Variants in KANK4 observed in about 807,000 individuals in gnomAD.
The protein encoded by KANK4 is KN motif and ankyrin repeat domain-containing protein 4.
Under a neutral mutation model 80.8 loss-of-function variants are expected in KANK4, and 50 were observed. The observed-to-expected ratio is 0.62, with a 90% CI of 0.49 to 0.78. The LOEUF is 0.78. KANK4 is among the 30% of genes least tolerant of loss of function. KANK4 has a pLI of 0.00. For missense variants in KANK4, 1,196 were observed against 1,240.1 expected (o/e 0.96, Z 0.53); for synonymous variants, 465 against 506.9 (o/e 0.92, Z 1.11).
At chr1:62,281,676 G>T in intron 1 of KANK4, 42 bp from the exon 2 acceptor site, 2 of 1,193,310 alleles carry the variant, frequency 1.7e-6, no homozygotes, top group Non-Finnish European at 2.5e-6. Context: ...TCTCATTAGC[G>T]TTTGAATAAG....
intron 7 of KANK4, among the ~76,000 whole-genome samples, chr1:62,262,248 C>T (rs1671903878): frequency 6.6e-6 from 1 of 152,190 alleles, no homozygotes; most frequent in Admixed American, 6.5e-5. Flanking sequence ...AGCGCTGTAA[C>T]TTGAGCAAGT....
chr1:62,247,862 A>C (rs1051039685), intron 8 of KANK4, among the ~76,000 whole-genome samples, 190 bp from the exon 9 acceptor site: 1 of 151,888 alleles, frequency 6.6e-6, no homozygotes, highest in African/African-American at 2.4e-5. Context: ...CAAATGCTAC[A>C]TCCTCTCTAA....
chr1:62,266,077 C>T (rs1672011138), intron 6 of KANK4, among the ~76,000 whole-genome samples: 1 of 152,196 alleles, frequency 6.6e-6, no homozygotes, highest in Non-Finnish European at 1.5e-5. Flanking sequence ...TGTCCACAGT[C>T]CTCTCAAACC....
chr1:62,284,445 T>C (rs963413636), intron 1 of KANK4, among the ~76,000 whole-genome samples: 2 of 152,092 alleles, frequency 1.3e-5, no homozygotes, highest in Non-Finnish European at 2.9e-5. Flanking sequence ...GCCTCCCGAG[T>C]AGCTGGGATT....
intron 1 of KANK4, among the ~76,000 whole-genome samples, chr1:62,297,280 TATA>T (rs750146277): frequency 2.6e-5 from 3 of 117,488 alleles, no homozygotes; most frequent in Non-Finnish European, 4.9e-5. Context: ...CTTACACTGT[TATA>T]ATAATAATAA....
intron 9 of KANK4, among the ~76,000 whole-genome samples, chr1:62,243,705 C>T (rs894020319): frequency 1.3e-5 from 2 of 152,118 alleles, no homozygotes; most frequent in African/African-American, 4.8e-5. Context: ...CTGGCCTCTA[C>T]CCACTAGATG....
At chr1:62,258,627 CATTT>C (rs1671807859) in intron 7 of KANK4, among the ~76,000 whole-genome samples, 1 of 152,184 alleles carries the variant, frequency 6.6e-6, no homozygotes, top group African/African-American at 2.4e-5. Context: ...ATCGCTCATT[CATTT>C]AACAGACGTT....
At chr1:62,243,251 G>C (rs372992213) in intron 9 of KANK4, among the ~76,000 whole-genome samples, 2 of 152,066 alleles carry the variant, frequency 1.3e-5, no homozygotes, top group African/African-American at 4.8e-5. Context: ...GCACTTCCCC[G>C]GGATTAGCTA....
chr1:62,243,211 C>T (rs968448159), intron 9 of KANK4, among the ~76,000 whole-genome samples: 4 of 152,202 alleles, frequency 2.6e-5, no homozygotes, highest in African/African-American at 9.6e-5. Flanking sequence ...CCTGCCTGGT[C>T]CTCAGCCTGG....
intron 7 of KANK4, among the ~76,000 whole-genome samples, chr1:62,256,850 A>G (rs1433803932): frequency 2.6e-5 from 4 of 152,148 alleles, no homozygotes; most frequent in Non-Finnish European, 5.9e-5. Context: ...AACTCCATAC[A>G]TCACCTCATA....
intron 1 of KANK4, among the ~76,000 whole-genome samples, chr1:62,317,590 A>G (rs1446674369): frequency 6.6e-6 from 1 of 152,226 alleles, no homozygotes; most frequent in Non-Finnish European, 1.5e-5. Context: ...AGAGGCTTTC[A>G]GTTCCTCTAA....
chr1:62,313,902 T>C (rs571644118), intron 1 of KANK4, among the ~76,000 whole-genome samples: 1 of 152,192 alleles, frequency 6.6e-6, no homozygotes, highest in Non-Finnish European at 1.5e-5. Flanking sequence ...ATTGATAAAA[T>C]GCCCTCCCCA....
rs1376927746 is a variant in KANK4, at chr1:62,275,096, C to A, written c.17-9G>T. On this transcript the variant is annotated splice_polypyrimidine_tract_variant and intron_variant, in intron 2 of 9. Coordinates refer to ENST00000371153, the MANE Select transcript of KANK4 (RefSeq NM_181712.5). ...AGAGGACTGGTCTTTGGCTGGGAGA[C>A]ATAAGACAAGTTAAAAAAAAAAAGC... 3 of 1,554,936 alleles carry A rather than the reference C, an allele frequency of 1.9e-6. No individual in the cohort carries two copies. The highest frequency in any genetic ancestry group is 2.0e-5 in the Admixed American group (1 of 50,206).
At chr1:62,295,050 A>T (rs1018142497) in intron 1 of KANK4, among the ~76,000 whole-genome samples, 8 of 152,084 alleles carry the variant, frequency 5.3e-5, no homozygotes, top group Non-Finnish European at 1.0e-4. Flanking sequence ...GGTTTATATC[A>T]CCCCACGGAG....
chr1:62,263,395 C>T (rs1671941885), intron 6 of KANK4, 84 bp from the exon 7 acceptor site: 1 of 1,126,452 alleles, frequency 8.9e-7, no homozygotes, highest in Non-Finnish European at 1.3e-6. Flanking sequence ...CAGCTTTGGC[C>T]TCTGTCCCTG....
intron 1 of KANK4, among the ~76,000 whole-genome samples, chr1:62,313,731 G>T (rs1405502002): frequency 1.3e-5 from 2 of 152,232 alleles, no homozygotes; most frequent in African/African-American, 4.8e-5. Context: ...GAGAGCATTA[G>T]GACAAATACC....
intron 1 of KANK4, among the ~76,000 whole-genome samples, chr1:62,286,683 C>A (rs748534117): frequency 4.6e-5 from 7 of 152,160 alleles, no homozygotes; most frequent in Non-Finnish European, 8.8e-5. Context: ...GAGGACGTAG[C>A]CTCCTTAGAG....
At chr1:62,260,568 G>T (rs761847938) in intron 7 of KANK4, among the ~76,000 whole-genome samples, 1 of 151,964 alleles carries the variant, frequency 6.6e-6, no homozygotes, top group Non-Finnish European at 1.5e-5. Flanking sequence ...ACACCCCATC[G>T]CTGCCTTCCC....
chr1:62,264,286 T>C (rs938436995), intron 6 of KANK4, among the ~76,000 whole-genome samples: 2 of 152,060 alleles, frequency 1.3e-5, no homozygotes, highest in Admixed American at 6.6e-5. Flanking sequence ...GCAAGGTGGC[T>C]CAGGCCTGTA....
Sources: allele counts gnomAD v4.1 joint callset (sites outside exome capture counted in the v4.1 genomes callset), GRCh38; gene constraint gnomAD v4.1.1; transcripts MANE v1.5; gene names NCBI Gene and HGNC (gene_info 2026-07-23, HGNC 2026-07-21).